The following SNTG2 variants were observed in gnomAD, a reference collection of about 807,000 sequenced individuals.
SNTG2 encodes the protein syntrophin gamma 2, also known as gamma-2-syntrophin.
A neutral mutation model predicts 70.9 loss-of-function variants in SNTG2; 74 were observed. That is an observed-to-expected ratio of 1.04 (90% confidence interval 0.86 to 1.27). The LOEUF (loss-of-function observed/expected upper bound fraction) is 1.27, where lower values mean the gene tolerates loss of function less well. Ranked by LOEUF, SNTG2 falls within the 50% of genes most tolerant of loss-of-function variation. The probability of loss-of-function intolerance (pLI) is 0.00; values close to 1 mark genes in which losing one functional copy is unlikely to be tolerated. For synonymous variants in SNTG2, 278 were observed against 273.8 expected (o/e 1.02, Z -0.15); for missense variants, 717 against 690.7 (o/e 1.04, Z -0.43).
At chr2:1,277,920 G>A (rs941462319) in intron 14 of SNTG2, among the ~76,000 whole-genome samples, 8 of 152,222 alleles carry the variant, frequency 5.3e-5, no homozygotes, top group African/African-American at 1.7e-4. Flanking sequence ...TGTCAGTGGG[G>A]TTTCCATCCT....
At chr2:1,035,988 T>G (rs1661107455) in intron 1 of SNTG2, among the ~76,000 whole-genome samples, 1 of 152,330 alleles carries the variant, frequency 6.6e-6, no homozygotes. Context: ...CTTATTAATT[T>G]GACTGGGATT....
Position 972,365 on chromosome 2 carries a change from C to G in SNTG2, c.72+21297C>G, listed in dbSNP as rs183545779. Reference sequence around the variant, plus strand: ...ATAGTTAAGTCTCCTTGATGTGAACCCTTTACCATTGTATGAGGTCCTTCT... The same window carrying G: ...ATAGTTAAGTCTCCTTGATGTGAACGCTTTACCATTGTATGAGGTCCTTCT... On this transcript the variant is annotated intron_variant, in intron 1 of 16. Coordinates refer to ENST00000308624, the MANE Select transcript of SNTG2 (RefSeq NM_018968.4). 4.4e-3 allele frequency among the ~76,000 whole-genome samples: 666 copies of G among 152,212 alleles called. 8 individuals carry two copies. The highest frequency in any genetic ancestry group is 0.013 in the African/African-American group (557 of 41,532).
intron 1 of SNTG2, among the ~76,000 whole-genome samples, chr2:1,031,528 A>ATATATATATATATATATATTT: frequency 1.2e-4 from 7 of 59,106 alleles, no homozygotes; most frequent in African/African-American, 3.3e-4. Context: ...ATATATATAT[A>ATATATATATATATATATATTT]TTTTTTTTTT....
intron 1 of SNTG2, among the ~76,000 whole-genome samples, chr2:1,079,936 C>T (rs1010820244): frequency 2.0e-5 from 3 of 152,250 alleles, no homozygotes; most frequent in African/African-American, 7.2e-5. Flanking sequence ...GGCGGCTGCA[C>T]TACCTGAGCT....
chr2:1,150,904 C>T (rs902194766), intron 6 of SNTG2, among the ~76,000 whole-genome samples: 1 of 67,588 alleles, frequency 1.5e-5, no homozygotes, highest in African/African-American at 5.5e-5. Flanking sequence ...CCCAGAGCAG[C>T]CATGCGGCTG....
intron 4 of SNTG2, among the ~76,000 whole-genome samples, chr2:1,135,905 T>C (rs62107448): frequency 0.11 from 16,449 of 152,216 alleles, 1,026 homozygotes; most frequent in Admixed American, 0.15. Flanking sequence ...AGAACAACCT[T>C]ATCCCTATAC....
chr2:970,147 T>TA (rs1558285452), intron 1 of SNTG2, among the ~76,000 whole-genome samples: 1 of 152,236 alleles, frequency 6.6e-6, no homozygotes, highest in Non-Finnish European at 1.5e-5. Flanking sequence ...TAGTTACATT[T>TA]ATGTGATGAA....
intron 1 of SNTG2, among the ~76,000 whole-genome samples, chr2:952,662 CT>C (rs71939733): frequency 0.3 from 44,838 of 151,574 alleles, 6,775 homozygotes; most frequent in Admixed American, 0.37. Flanking sequence ...TTGAAAGAAA[CT>C]TTTTTTTTAG....
chr2:1,072,523 GA>G (rs984273381), intron 1 of SNTG2, among the ~76,000 whole-genome samples: 1 of 150,630 alleles, frequency 6.6e-6, no homozygotes, highest in African/African-American at 2.4e-5. Context: ...GAGACAAAAA[GA>G]AAAAAAAGAT....
chr2:1,050,701 AG>A (rs1200215883), intron 1 of SNTG2, among the ~76,000 whole-genome samples: 1 of 152,194 alleles, frequency 6.6e-6, no homozygotes, highest in Non-Finnish European at 1.5e-5. Context: ...GACTTATTCT[AG>A]GATTATTATT....
At chr2:1,222,397 G>C (rs1317856341) in intron 9 of SNTG2, among the ~76,000 whole-genome samples, 6 of 152,254 alleles carry the variant, frequency 3.9e-5, no homozygotes, top group African/African-American at 1.4e-4. Context: ...TTTCCTTTGT[G>C]TGTGGAGATT....
intron 1 of SNTG2, among the ~76,000 whole-genome samples, chr2:1,080,999 G>A (rs1572383922): frequency 1.3e-5 from 2 of 151,984 alleles, no homozygotes; most frequent in African/African-American, 2.4e-5. Flanking sequence ...GGCAGGGAGC[G>A]TGAGAACCAT....
chr2:1,122,553 G>A (rs28759468), intron 4 of SNTG2, among the ~76,000 whole-genome samples: 69,546 of 150,546 alleles, frequency 0.46, 16,699 homozygotes, highest in East Asian at 0.66. Flanking sequence ...CACCAGTTCA[G>A]GTATAGACAG....
chr2:1,183,609 A>C (rs1455673033), intron 8 of SNTG2, among the ~76,000 whole-genome samples: 1 of 152,312 alleles, frequency 6.6e-6, no homozygotes, highest in African/African-American at 2.4e-5. Context: ...CAAAAAATTG[A>C]TGGGAATTAG....
chr2:951,103 GC>G, intron 1 of SNTG2, 35 bp downstream of exon 1: 4 of 1,149,786 alleles, frequency 3.5e-6, no homozygotes, highest in Non-Finnish European at 4.4e-6. Flanking sequence ...TTCACCTCCG[GC>G]CCCCCTTCCC....
At chr2:1,232,385 C>G (rs570961708) in intron 9 of SNTG2, among the ~76,000 whole-genome samples, 3 of 151,976 alleles carry the variant, frequency 2.0e-5, no homozygotes, top group Non-Finnish European at 4.4e-5. Flanking sequence ...CTGCAACCTC[C>G]GCCTCCCAGG....
rs540971206 is a variant in SNTG2, at chr2:1,138,649, C to T, written c.411+840C>T. On this transcript the variant is annotated intron_variant, in intron 6 of 16. Transcript: ENST00000308624. ...GGGTCAAGGGGAGAGGCAGTGGAGC[C>T]GAGTCCAGGACACACGCCTGGGGCC... is the stretch of plus-strand genomic sequence containing the variant. Among the ~76,000 whole-genome samples, 151 of 152,176 alleles carry T rather than the reference C, an allele frequency of 9.9e-4. 2 individuals carry two copies. The South Asian group carries it at 0.019, about 19-fold the overall frequency.
intron 16 of SNTG2, among the ~76,000 whole-genome samples, chr2:1,331,750 C>T (rs947310932): frequency 1.3e-5 from 2 of 152,178 alleles, no homozygotes; most frequent in Non-Finnish European, 2.9e-5. Flanking sequence ...GTGAAGTCAT[C>T]GTTTTCTTAT....
chr2:1,155,172 C>CACA (rs1553340385), intron 6 of SNTG2, among the ~76,000 whole-genome samples: 27 of 26,016 alleles, frequency 1.0e-3, no homozygotes, highest in Admixed American at 2.3e-3. Context: ...CACGTAGACC[C>CACA]CCCCCCCACA....
Sources: gnomAD v4.1 joint callset for allele counts (sites outside exome capture counted in the v4.1 genomes callset) on GRCh38, gnomAD v4.1.1 for gene constraint, MANE v1.5 for transcripts, NCBI Gene and HGNC (gene_info 2026-07-23, HGNC 2026-07-21) for gene names.